Variants in GOLGA3 observed in about 807,000 individuals in gnomAD.
GOLGA3 encodes golgin subfamily A member 3.
A neutral mutation model predicts 169.4 loss-of-function variants in GOLGA3; 75 were observed. The observed-to-expected ratio is 0.44, with a 90% confidence interval of 0.37 to 0.54. GOLGA3 has a LOEUF of 0.54. Ranked by LOEUF, GOLGA3 falls within the 20% of genes least tolerant of loss-of-function variation. The pLI is 0.00. For missense variants in GOLGA3, 1,899 were observed against 1,930.0 expected, an observed-to-expected ratio of 0.98 and a Z score of 0.30; for synonymous variants, 824 against 822.4, an observed-to-expected ratio of 1.00 and a Z score of -0.03.
At chr12:132,820,008 T>C (rs1248812568) in intron 2 of GOLGA3, among the ~76,000 whole-genome samples, 2 of 152,080 alleles carry the variant, frequency 1.3e-5, no homozygotes, top group African/African-American at 4.8e-5. Context: ...GGAAACTCCA[T>C]CTCTACTAAA....
intron 11 of GOLGA3, among the ~76,000 whole-genome samples, chr12:132,794,936 C>T (rs1948755870): frequency 6.6e-6 from 1 of 152,224 alleles, no homozygotes; most frequent in Non-Finnish European, 1.5e-5. Context: ...CACCTGTAAT[C>T]CCAACACTTC....
chr12:132,782,308 C>A lies in GOLGA3; in HGVS notation c.3453G>T (p.Gln1151His), dbSNP rs780037916. 1.9e-6 allele frequency: 3 copies of A among 1,613,972 alleles called. No individual in the cohort carries two copies. The highest frequency in any genetic ancestry group is 1.7e-5 in the Admixed American group (1 of 60,024). Residue 1151 changes from glutamine to histidine, a missense_variant, in exon 17 of 24, where the codon CAG becomes CAT. Gln to His is a conservative substitution (Grantham distance 24). Coordinates refer to ENST00000450791, the MANE Select transcript of GOLGA3 (RefSeq NM_001389683.1). ...ALAKREADLV[Q>H]LNLQVQAVLQ... Reference sequence around the variant, plus strand: ...CGAGTTTGAATACCTGAAGGTTCAACTGGACTAGGTCTGCCTCCCTCTTGG... The same window carrying A: ...CGAGTTTGAATACCTGAAGGTTCAAATGGACTAGGTCTGCCTCCCTCTTGG...
At chr12:132,814,940 T>C (rs546765824) in intron 3 of GOLGA3, among the ~76,000 whole-genome samples, 1 of 152,210 alleles carries the variant, frequency 6.6e-6, no homozygotes, top group African/African-American at 2.4e-5. Context: ...TCATCCTTCC[T>C]AAGCCATCAG....
chr12:132,823,519 C>T (rs889016204), intron 1 of GOLGA3, among the ~76,000 whole-genome samples: 2 of 152,250 alleles, frequency 1.3e-5, no homozygotes, highest in Non-Finnish European at 2.9e-5. Flanking sequence ...GGTGCGGTGG[C>T]TCATGCTTGT....
intron 17 of GOLGA3, 48 bp from the exon 18 acceptor site, chr12:132,780,962 AAC>A (rs572511185): frequency 1.1e-5 from 15 of 1,400,854 alleles, no homozygotes; most frequent in African/African-American, 1.4e-5. Context: ...TCGAATTACA[AAC>A]ACACAAGGCT....
At chr12:132,824,348 C>T (rs148751179) in intron 1 of GOLGA3, among the ~76,000 whole-genome samples, 1 of 152,230 alleles carries the variant, frequency 6.6e-6, no homozygotes, top group Admixed American at 6.5e-5. Flanking sequence ...TCTCTGCCAC[C>T]TTGCATCCTA....
Position 132,808,067 on chromosome 12 carries a change from C to T in GOLGA3, c.1002G>A (p.Lys334=). 6.3e-7 allele frequency: 1 copy of T among 1,598,492 alleles called. No individual in the cohort carries two copies. The highest frequency in any genetic ancestry group is 8.5e-7 in the Non-Finnish European group (1 of 1,170,988). Residue 334 remains lysine (K), a synonymous_variant, in exon 5 of 24, where the codon AAG becomes AAA. Transcript: ENST00000450791. The part of the protein sequence containing the change: ...STRGTYGILS[K]TVGTQDTPYM... ...AGGGGGTGTCCTGCGTGCCCACTGT[C>T]TTCGACAGAATGCCATAGGTCCCTC...
rs534744427 is a variant in GOLGA3, at chr12:132,776,064, G to A, written c.3978+570C>T. On this transcript the variant is annotated intron_variant, in intron 21 of 23. Transcript: ENST00000450791. Reference sequence around the variant, plus strand: ...CACTGGACGAGGGCGCCAGCTCCCCGGGAGCACTGCCTGGCCGCAGGCCGC... The same window carrying A: ...CACTGGACGAGGGCGCCAGCTCCCCAGGAGCACTGCCTGGCCGCAGGCCGC... Among the ~76,000 whole-genome samples the A allele has an allele frequency of 1.8e-4, 28 of 152,320 alleles. No individual in the cohort carries two copies. In the South Asian group the frequency reaches 2.7e-3, roughly 15 times the overall value.
chr12:132,773,106 C>A lies in GOLGA3; in HGVS notation c.4496G>T (p.Ter1499LeuextTer29). 1 of 1,571,602 alleles carries A rather than the reference C, an allele frequency of 6.4e-7. No homozygotes were observed. The highest frequency in any genetic ancestry group is 8.6e-7 in the Non-Finnish European group (1 of 1,157,138). The change falls in exon 24 of 24, where the codon TGA (stop) becomes TTA (leucine). Residue 1499 changes from the stop codon to leucine (L), a stop_lost. Coordinates refer to ENST00000450791, the MANE Select transcript of GOLGA3 (RefSeq NM_001389683.1). The part of the protein sequence containing the change: ...SRASKEGPGE[*>L] ...CGCACGGAGGCGAGTCCACAGCAGT[C>A]ACTCTCCCGGCCCTTCTTTGGAAGC... is the stretch of plus-strand genomic sequence containing the variant.
chr12:132,794,432 G>A (rs749503467), intron 11 of GOLGA3, among the ~76,000 whole-genome samples: 5 of 151,906 alleles, frequency 3.3e-5, no homozygotes, highest in Non-Finnish European at 2.9e-5. Context: ...AGGCCAGTCC[G>A]TCTCCCAGTC....
At chr12:132,803,301 T>C (rs577462723) in intron 7 of GOLGA3, among the ~76,000 whole-genome samples, 3 of 152,264 alleles carry the variant, frequency 2.0e-5, no homozygotes, top group East Asian at 3.9e-4. Flanking sequence ...ACTGAGTTTG[T>C]GGTTCAAACA....
At chr12:132,773,349 G>T in intron 23 of GOLGA3, 55 bp from the exon 24 acceptor site, 1 of 1,159,418 alleles carries the variant, frequency 8.6e-7, no homozygotes. Context: ...CAGGCAGAAC[G>T]CGCCACCTGT....
At chr12:132,807,142 G>A (rs569888670) in intron 6 of GOLGA3, 35 bp downstream of exon 6, 46 of 1,307,314 alleles carry the variant, frequency 3.5e-5, no homozygotes, top group African/African-American at 2.9e-5. Flanking sequence ...TTCCGACTTC[G>A]CCGCACGCTG....
In GOLGA3 at chr12:132,777,567, C is replaced by A; in HGVS notation, c.3722+99G>T. ...ATTCACTCAAGTACTCGGCAATTTG[C>A]AAAATATAGATGACCCTCGCTGTGC... On this transcript the variant is annotated intron_variant, in intron 19 of 23. Coordinates refer to ENST00000450791, the MANE Select transcript of GOLGA3 (RefSeq NM_001389683.1). This position sits in a 1 kb window ranked among gnomAD's most constrained non-coding sequence, Gnocchi z 4.7. The A allele has an allele frequency of 7.2e-7, 1 of 1,396,088 alleles. No homozygotes were observed. The highest frequency in any genetic ancestry group is 9.8e-7 in the Non-Finnish European group (1 of 1,018,922). The allele number at this position is 1,396,088 out of a possible 1,614,324, so 86.5% of individuals were successfully genotyped here.
Position 132,774,303 on chromosome 12 carries a change from G to T in GOLGA3, c.4161C>A (p.Gly1387=). 6.2e-7 allele frequency: 1 copy of T among 1,612,158 alleles called. No individual in the cohort carries two copies. ...GAAKTRKEPK[G]EASSSNPATP... is the part of the protein sequence containing the mutation. ...TGGCAGGGTTGGAAGAGCTGGCCTC[G>T]CCTTTCGGCTCCTTTCTCTGTTTTT... is the stretch of plus-strand genomic sequence containing the variant. Residue 1387 remains glycine (G), a synonymous_variant, in exon 23 of 24, where the codon GGC becomes GGA. Transcript: ENST00000450791.
intron 5 of GOLGA3, among the ~76,000 whole-genome samples, chr12:132,807,641 G>A (rs922203361): frequency 1.3e-5 from 2 of 152,166 alleles, no homozygotes; most frequent in Non-Finnish European, 2.9e-5. Context: ...AAATGTTCAT[G>A]TCAAGACTAA....
intron 6 of GOLGA3, among the ~76,000 whole-genome samples, chr12:132,805,334 G>A (rs1274332032): frequency 1.8e-4 from 8 of 45,366 alleles, no homozygotes; most frequent in African/African-American, 9.7e-5. Flanking sequence ...GGCCTGACAG[G>A]GGACCCCGAG....
At chr12:132,780,093 TCA>T (rs1491446137) in intron 18 of GOLGA3, among the ~76,000 whole-genome samples, 10 of 90,176 alleles carry the variant, frequency 1.1e-4, no homozygotes, top group East Asian at 3.4e-4. Flanking sequence ...TGTGCAGACA[TCA>T]CACTTGCACG....
At chr12:132,791,625 G>A (rs983373580) in intron 11 of GOLGA3, among the ~76,000 whole-genome samples, 1 of 147,260 alleles carries the variant, frequency 6.8e-6, no homozygotes, top group African/African-American at 2.5e-5. Context: ...GACTATAGGA[G>A]GGGAATGTGT....
Sources: allele counts gnomAD v4.1 joint callset (sites outside exome capture counted in the v4.1 genomes callset), GRCh38; gene constraint gnomAD v4.1.1; non-coding constraint Gnocchi (gnomAD v3.1); transcripts MANE v1.5; gene names NCBI Gene and HGNC (gene_info 2026-07-23, HGNC 2026-07-21).